The following MYO10 variants were observed in gnomAD, a reference collection of about 807,000 sequenced individuals.
The protein encoded by MYO10 is unconventional myosin-X.
In MYO10, 133 loss-of-function variants were observed where a neutral mutation model predicts 257.3. The ratio of observed to expected loss-of-function variants is 0.52; its 90% confidence interval spans 0.45 to 0.60. The LOEUF (loss-of-function observed/expected upper bound fraction) is 0.60, where lower values mean the gene tolerates loss of function less well. Among genes scored for constraint, MYO10 ranks in the 20% least tolerant of loss-of-function variants. MYO10 has a pLI of 0.00. For synonymous variants in MYO10, 1,104 were observed against 1,028.6 expected (o/e 1.07, Z -1.40); for missense variants, 2,399 against 2,635.7 (o/e 0.91, Z 1.97).
At chr5:16,831,894 C>T (rs945712654) in intron 2 of MYO10, among the ~76,000 whole-genome samples, 3 of 152,052 alleles carry the variant, frequency 2.0e-5, no homozygotes, top group Non-Finnish European at 4.4e-5. Context: ...TTATATATAT[C>T]AGAACTCCAA....
At chr5:16,825,272 C>G (rs768203368) in intron 2 of MYO10, among the ~76,000 whole-genome samples, 2 of 152,206 alleles carry the variant, frequency 1.3e-5, no homozygotes, top group Admixed American at 6.5e-5. Context: ...CCCTGCCACT[C>G]TCTTCCTTAT....
intron 33 of MYO10, among the ~76,000 whole-genome samples, chr5:16,679,100 G>A (rs776870158): frequency 2.2e-4 from 33 of 152,284 alleles, no homozygotes; most frequent in African/African-American, 2.9e-4. Flanking sequence ...TAACATGCTC[G>A]GTGTTAATAG....
At position 16,873,871 on chromosome 5, in the gene MYO10, G is replaced by A. The variant is rs529102674; in HGVS notation, c.120+3738C>T. Among the ~76,000 whole-genome samples, 24 of 152,228 alleles carry A rather than the reference G, an allele frequency of 1.6e-4. No homozygotes were observed. The East Asian group carries it at 1.8e-3, about 11-fold the overall frequency. ...GCACACAGCACAGGGACCTGGGCCC[G>A]GCCCACTAAACCATTTTTCCTCCTG... On this transcript the variant is annotated intron_variant, in intron 2 of 40. Coordinates refer to ENST00000513610, the MANE Select transcript of MYO10 (RefSeq NM_012334.3).
chr5:16,929,489 G>C (rs2126807522), intron 1 of MYO10, among the ~76,000 whole-genome samples: 1 of 152,262 alleles, frequency 6.6e-6, no homozygotes, highest in East Asian at 1.9e-4. Flanking sequence ...CTGTGGCTCT[G>C]GACACAGCCT....
chr5:16,805,838 G>A (rs1235241343), intron 3 of MYO10, among the ~76,000 whole-genome samples: 2 of 152,134 alleles, frequency 1.3e-5, no homozygotes, highest in Non-Finnish European at 2.9e-5. Context: ...TGGAACAGCT[G>A]CAGCACAAAT....
chr5:16,901,485 A>C (rs1251121458), intron 1 of MYO10, among the ~76,000 whole-genome samples: 1 of 152,184 alleles, frequency 6.6e-6, no homozygotes, highest in Non-Finnish European at 1.5e-5. Flanking sequence ...CTTTGCCAGA[A>C]GAGCGTATTT....
chr5:16,805,165 T>G (rs1428694668), intron 3 of MYO10, among the ~76,000 whole-genome samples: 1 of 151,546 alleles, frequency 6.6e-6, no homozygotes, highest in Non-Finnish European at 1.5e-5. Context: ...AAAGATAAAG[T>G]GTGGTAAGAA....
chr5:16,917,699 A>C (rs942647794), intron 1 of MYO10, among the ~76,000 whole-genome samples: 1 of 151,802 alleles, frequency 6.6e-6, no homozygotes, highest in African/African-American at 2.4e-5. Flanking sequence ...CTCTACAAAA[A>C]AAAAAAGGAA....
intron 19 of MYO10, among the ~76,000 whole-genome samples, chr5:16,717,395 C>T (rs1738919868): frequency 6.6e-6 from 1 of 152,190 alleles, no homozygotes; most frequent in Non-Finnish European, 1.5e-5. Context: ...AATCCGTCTT[C>T]TGGAAACACA....
At chr5:16,843,712 G>C (rs1743550616) in intron 2 of MYO10, among the ~76,000 whole-genome samples, 1 of 152,090 alleles carries the variant, frequency 6.6e-6, no homozygotes, top group South Asian at 2.1e-4. Flanking sequence ...TAAGTATTTG[G>C]ACTTTAGTAG....
In MYO10 at chr5:16,861,962, GACAA is replaced by G. The variant is rs562351034; in HGVS notation, c.120+15643_120+15646del. On this transcript the variant is annotated intron_variant, in intron 2 of 40. Coordinates refer to ENST00000513610, the MANE Select transcript of MYO10 (RefSeq NM_012334.3). ...TGGGATACTTACAGGAATTAAACAG[GACAA>G]ACAGATTGGCATGTACCAGCATGGT... is the stretch of plus-strand genomic sequence containing the variant. 2.8e-4 allele frequency among the ~76,000 whole-genome samples: 42 copies of G among 152,222 alleles called. No individual in the cohort carries two copies. The South Asian group carries it at 7.5e-3, about 27-fold the overall frequency.
chr5:16,928,360 A>C (rs1274197119), intron 1 of MYO10, among the ~76,000 whole-genome samples: 4 of 151,976 alleles, frequency 2.6e-5, no homozygotes, highest in African/African-American at 9.7e-5. Flanking sequence ...ACGCCCAGCT[A>C]ATTTTTGGAT....
intron 19 of MYO10, among the ~76,000 whole-genome samples, chr5:16,734,737 G>A (rs949844999): frequency 3.9e-5 from 6 of 151,908 alleles, no homozygotes; most frequent in South Asian, 2.1e-4. Flanking sequence ...CCCGGGAGGC[G>A]GAGGTTGCAG....
chr5:16,851,626 T>C (rs185019490), intron 2 of MYO10, among the ~76,000 whole-genome samples: 280 of 152,320 alleles, frequency 1.8e-3, no homozygotes, highest in African/African-American at 6.6e-3. Context: ...GGATGAAGGA[T>C]GTGAAACCTT....
intron 33 of MYO10, among the ~76,000 whole-genome samples, chr5:16,677,448 C>T (rs1176370053): frequency 9.8e-6 from 1 of 101,900 alleles, no homozygotes; most frequent in African/African-American, 3.7e-5. Context: ...CGGAGTCTTG[C>T]TCTTTCGCCC....
intron 29 of MYO10, among the ~76,000 whole-genome samples, chr5:16,684,698 G>T (rs26759): frequency 6.6e-6 from 1 of 152,262 alleles, no homozygotes; most frequent in African/African-American, 2.4e-5. Flanking sequence ...ATAAAACTTG[G>T]TTTCCAAAGC....
intron 1 of MYO10, among the ~76,000 whole-genome samples, chr5:16,926,901 C>T (rs191204579): frequency 6.6e-6 from 1 of 152,232 alleles, no homozygotes; most frequent in African/African-American, 2.4e-5. Context: ...GAAACATCAA[C>T]AGAACACCCA....
intron 35 of MYO10, among the ~76,000 whole-genome samples, chr5:16,674,563 GTTT>G (rs5866200): frequency 3.5e-5 from 5 of 143,250 alleles, no homozygotes; most frequent in Non-Finnish European, 4.6e-5. Flanking sequence ...AAATATCCAA[GTTT>G]TTTTTTTTTT....
At chr5:16,778,542 G>C (rs1741294669) in intron 9 of MYO10, among the ~76,000 whole-genome samples, 1 of 152,038 alleles carries the variant, frequency 6.6e-6, no homozygotes, top group Non-Finnish European at 1.5e-5. Context: ...ACTGGAGCCT[G>C]ACGTACGCAC....
Sources: gnomAD v4.1 joint callset for allele counts (sites outside exome capture counted in the v4.1 genomes callset) on GRCh38, gnomAD v4.1.1 for gene constraint, MANE v1.5 for transcripts, NCBI Gene and HGNC (gene_info 2026-07-23, HGNC 2026-07-21) for gene names.